Variants in PLXDC2 observed in about 807,000 individuals in gnomAD.
PLXDC2 encodes the protein plexin domain containing 2.
Under a neutral mutation model 68.9 loss-of-function variants are expected in PLXDC2, and 40 were observed. The ratio of observed to expected loss-of-function variants is 0.58; its 90% CI spans 0.45 to 0.76. The LOEUF (loss-of-function observed/expected upper bound fraction) is 0.76. Ranked by LOEUF, PLXDC2 falls within the 30% of genes least tolerant of loss-of-function variation. PLXDC2 has a pLI of 0.00. For synonymous variants in PLXDC2, 243 were observed against 234.2 expected (o/e 1.04, Z -0.34); for missense variants, 644 against 661.9 (o/e 0.97, Z 0.30).
At chr10:20,189,556 C>CACACAT (rs369119157) in intron 9 of PLXDC2, among the ~76,000 whole-genome samples, 35,099 of 123,988 alleles carry the variant, frequency 0.28, 5,185 homozygotes, top group East Asian at 0.47. Flanking sequence ...CACACACACA[C>CACACAT]ATATATATAT....
At chr10:19,990,809 A>AT (rs1834734799) in intron 1 of PLXDC2, among the ~76,000 whole-genome samples, 1 of 152,238 alleles carries the variant, frequency 6.6e-6, no homozygotes, top group Non-Finnish European at 1.5e-5. Flanking sequence ...GAATTCAGAC[A>AT]TTCATAGCAT....
intron 1 of PLXDC2, among the ~76,000 whole-genome samples, chr10:19,831,226 C>G (rs1836685845): frequency 6.6e-6 from 1 of 152,074 alleles, no homozygotes; most frequent in African/African-American, 2.4e-5. Flanking sequence ...TGTTGGTTTT[C>G]TTGGGTGATT....
intron 2 of PLXDC2, among the ~76,000 whole-genome samples, chr10:20,014,193 C>A (rs558329713): frequency 4.3e-4 from 62 of 145,816 alleles, no homozygotes; most frequent in African/African-American, 1.5e-3. Flanking sequence ...CCCTCCCTCC[C>A]TTGTTTCCTT....
intron 12 of PLXDC2, among the ~76,000 whole-genome samples, chr10:20,221,608 CCTGA>C (rs755924548): frequency 5.9e-5 from 9 of 152,140 alleles, no homozygotes; most frequent in Non-Finnish European, 1.2e-4. Flanking sequence ...TTTATAGCAT[CCTGA>C]CTAAGTTAGT....
At chr10:20,181,139 G>C (rs941242920) in intron 9 of PLXDC2, among the ~76,000 whole-genome samples, 9 of 152,008 alleles carry the variant, frequency 5.9e-5, no homozygotes, top group Non-Finnish European at 1.2e-4. Context: ...GGATAATATA[G>C]CAAAATTGGT....
intron 5 of PLXDC2, among the ~76,000 whole-genome samples, chr10:20,146,448 T>A (rs1834079556): frequency 6.8e-6 from 1 of 147,698 alleles, no homozygotes; most frequent in African/African-American, 2.5e-5. Flanking sequence ...TCTTTCTTCC[T>A]TTCTTCCTTC....
chr10:20,183,186 T>C (rs999158948), intron 9 of PLXDC2, among the ~76,000 whole-genome samples: 8 of 151,776 alleles, frequency 5.3e-5, no homozygotes, highest in Admixed American at 2.0e-4. Context: ...GTTGAGTAGA[T>C]AGGGGATATG....
intron 1 of PLXDC2, among the ~76,000 whole-genome samples, chr10:19,883,588 T>A (rs1458021696): frequency 1.3e-5 from 2 of 152,070 alleles, no homozygotes; most frequent in Admixed American, 1.3e-4. Flanking sequence ...CCTGAGAACT[T>A]ACGTCCCCTT....
chr10:20,258,633 T>C (rs1249496018), intron 13 of PLXDC2, among the ~76,000 whole-genome samples: 1 of 152,186 alleles, frequency 6.6e-6, no homozygotes. Flanking sequence ...TTTGTTTAAG[T>C]TGAATCCCCT....
chr10:20,044,958 C>T (rs1171961774), intron 2 of PLXDC2, among the ~76,000 whole-genome samples: 1 of 152,148 alleles, frequency 6.6e-6, no homozygotes, highest in Admixed American at 6.5e-5. Context: ...GTGTTTTACC[C>T]TCAGACAACC....
intron 12 of PLXDC2, among the ~76,000 whole-genome samples, chr10:20,225,956 G>A (rs1042929166): frequency 6.6e-6 from 1 of 152,292 alleles, no homozygotes; most frequent in South Asian, 2.1e-4. Flanking sequence ...GTTCTGGGGT[G>A]AAGCCCAAAC....
chr10:19,839,002 A>T (rs572559034), intron 1 of PLXDC2, among the ~76,000 whole-genome samples: 2 of 152,206 alleles, frequency 1.3e-5, no homozygotes, highest in East Asian at 3.9e-4. Context: ...CCTGGCCAAC[A>T]TGGTGAAACC....
intron 1 of PLXDC2, among the ~76,000 whole-genome samples, chr10:19,819,873 A>G (rs777342025): frequency 2.0e-5 from 3 of 152,258 alleles, no homozygotes; most frequent in African/African-American, 7.2e-5. Flanking sequence ...CTGTTTACAT[A>G]TAAACCTAGA....
At chr10:19,845,231 A>G (rs774732120) in intron 1 of PLXDC2, among the ~76,000 whole-genome samples, 5 of 152,198 alleles carry the variant, frequency 3.3e-5, no homozygotes, top group African/African-American at 7.2e-5. Context: ...AGGTTCCACC[A>G]GTGTGCTCAT....
intron 10 of PLXDC2, among the ~76,000 whole-genome samples, chr10:20,212,322 A>T (rs1434598654): frequency 6.6e-6 from 1 of 152,172 alleles, no homozygotes; most frequent in African/African-American, 2.4e-5. Context: ...ATTGTATAAC[A>T]TTAGTTGGCA....
intron 2 of PLXDC2, among the ~76,000 whole-genome samples, chr10:20,032,411 A>T (rs1252750584): frequency 6.6e-6 from 1 of 152,164 alleles, no homozygotes; most frequent in African/African-American, 2.4e-5. Context: ...TCTAAGTGTG[A>T]TGAGAAGCCT....
chr10:19,916,861 C>T (rs1589534947), intron 1 of PLXDC2, among the ~76,000 whole-genome samples: 1 of 152,218 alleles, frequency 6.6e-6, no homozygotes, highest in East Asian at 1.9e-4. Context: ...CTCATGATTT[C>T]CCAACATTGA....
intron 4 of PLXDC2, among the ~76,000 whole-genome samples, chr10:20,099,779 T>C (rs1833398281): frequency 6.6e-6 from 1 of 152,096 alleles, no homozygotes; most frequent in Admixed American, 6.6e-5. Context: ...GCTAGGGAGA[T>C]TCTTTTAATT....
intron 1 of PLXDC2, among the ~76,000 whole-genome samples, chr10:19,972,964 T>C (rs1447228071): frequency 6.6e-6 from 1 of 152,126 alleles, no homozygotes; most frequent in African/African-American, 2.4e-5. Flanking sequence ...ACTTGTATTT[T>C]TGCTAAAGGA....
Sources: gnomAD v4.1 joint callset for allele counts (sites outside exome capture counted in the v4.1 genomes callset) on GRCh38, gnomAD v4.1.1 for gene constraint, MANE v1.5 for transcripts, NCBI Gene and HGNC (gene_info 2026-07-23, HGNC 2026-07-21) for gene names.